RBFOX1: variants seen among roughly 807,000 people sequenced by gnomAD.
RBFOX1 encodes RNA binding fox-1 homolog 1.
Under a neutral mutation model 57.7 loss-of-function variants are expected in RBFOX1, and 8 were observed. The observed-to-expected ratio is 0.14, with a 90% CI of 0.08 to 0.25. The LOEUF (loss-of-function observed/expected upper bound fraction) is 0.25, where lower values mean the gene tolerates loss of function less well. Among genes scored for constraint, RBFOX1 ranks in the 10% least tolerant of loss-of-function variants. RBFOX1 has a pLI of 1.00. For synonymous variants in RBFOX1, 326 were observed against 222.4 expected (o/e 1.47, Z -4.15); for missense variants, 611 against 548.5 (o/e 1.11, Z -1.14).
At chr16:5,548,868 A>T (rs184439895) in intron 2 of RBFOX1, among the ~76,000 whole-genome samples, 114 of 152,258 alleles carry the variant, frequency 7.5e-4, no homozygotes, top group Non-Finnish European at 1.2e-3. Context: ...GGGGCCAAGG[A>T]TGAGGAAGAA....
intron 4 of RBFOX1, among the ~76,000 whole-genome samples, chr16:7,325,951 C>G (rs561624961): frequency 6.6e-6 from 1 of 152,294 alleles, no homozygotes; most frequent in Admixed American, 6.5e-5. Context: ...AGTGTCATTT[C>G]TCAGTTCTGG....
chr16:7,082,647 G>C (rs1462069268), intron 4 of RBFOX1, among the ~76,000 whole-genome samples: 1 of 152,122 alleles, frequency 6.6e-6, no homozygotes, highest in East Asian at 1.9e-4. Context: ...ATTTCGTTCA[G>C]TGTTTAGTAA....
chr16:6,857,703 G>T (rs767738125), intron 3 of RBFOX1, among the ~76,000 whole-genome samples: 6 of 152,184 alleles, frequency 3.9e-5, no homozygotes, highest in Non-Finnish European at 8.8e-5. Context: ...TGTATCAGTT[G>T]TTCATGATTT....
At chr16:5,468,416 TG>T (rs2069021924) in intron 2 of RBFOX1, among the ~76,000 whole-genome samples, 1 of 152,212 alleles carries the variant, frequency 6.6e-6, no homozygotes, top group Non-Finnish European at 1.5e-5. Context: ...TCACCTATTC[TG>T]AGTTTTTCAC....
intron 3 of RBFOX1, among the ~76,000 whole-genome samples, chr16:5,816,511 A>C (rs956400741): frequency 6.6e-6 from 1 of 152,112 alleles, no homozygotes; most frequent in Non-Finnish European, 1.5e-5. Context: ...TCCTTTCTCA[A>C]TTATTATGCC....
intron 2 of RBFOX1, among the ~76,000 whole-genome samples, chr16:6,637,310 T>TTACATGTTA (rs2098449213): frequency 2.0e-5 from 1 of 50,822 alleles, no homozygotes; most frequent in Non-Finnish European, 3.2e-5. Flanking sequence ...CAAATATATA[T>TTACATGTTA]TATATATTAT....
At chr16:6,082,301 C>T (rs930121005) in intron 1 of RBFOX1, among the ~76,000 whole-genome samples, 2 of 147,108 alleles carry the variant, frequency 1.4e-5, no homozygotes, top group Non-Finnish European at 3.0e-5. Context: ...CTGCCTCAGC[C>T]TCCCAAGTAG....
At chr16:7,061,567 G>T (rs1424617650) in intron 4 of RBFOX1, among the ~76,000 whole-genome samples, 1 of 152,038 alleles carries the variant, frequency 6.6e-6, no homozygotes, top group Admixed American at 6.5e-5. Context: ...ATTTGGAGAA[G>T]ACTCAAAAAA....
At chr16:7,239,884 G>A (rs2093968976) in intron 4 of RBFOX1, among the ~76,000 whole-genome samples, 1 of 133,600 alleles carries the variant, frequency 7.5e-6, no homozygotes, top group South Asian at 2.2e-4. Context: ...AGTTCGTTGT[G>A]CTAAAAGGAA....
chr16:6,695,111 C>T (rs2060819079), intron 3 of RBFOX1, among the ~76,000 whole-genome samples: 1 of 151,926 alleles, frequency 6.6e-6, no homozygotes, highest in Non-Finnish European at 1.5e-5. Context: ...GTGAATATTA[C>T]TGTGTGTAAA....
chr16:7,316,260 A>C (rs2096436897), intron 4 of RBFOX1, among the ~76,000 whole-genome samples: 1 of 152,234 alleles, frequency 6.6e-6, no homozygotes, highest in African/African-American at 2.4e-5. Context: ...CTATCTGCTT[A>C]CACATAGCAG....
chr16:6,482,393 G>A (rs1251115949), intron 2 of RBFOX1, among the ~76,000 whole-genome samples: 1 of 152,088 alleles, frequency 6.6e-6, no homozygotes, highest in Non-Finnish European at 1.5e-5. Flanking sequence ...TAATTTTTTG[G>A]TCCCTACCAA....
chr16:6,051,802 G>A lies in RBFOX1; in HGVS notation c.-127+31810G>A, dbSNP rs185979766. Reference sequence around the variant, plus strand: ...TGATCTTGAACCCCTGACCTCAGGTGATCCACCCACCCTGGCCTCCCAAAC... The same window carrying A: ...TGATCTTGAACCCCTGACCTCAGGTAATCCACCCACCCTGGCCTCCCAAAC... On this transcript the variant is annotated intron_variant, in intron 1 of 15. Coordinates refer to ENST00000550418, the MANE Select transcript of RBFOX1 (RefSeq NM_018723.4). 7.4e-4 allele frequency among the ~76,000 whole-genome samples: 112 copies of A among 152,268 alleles called. 2 individuals carry two copies. The East Asian group carries it at 0.015, about 20-fold the overall frequency.
intron 3 of RBFOX1, among the ~76,000 whole-genome samples, chr16:7,000,559 A>G (rs1236614718): frequency 6.7e-6 from 1 of 149,482 alleles, no homozygotes; most frequent in African/African-American, 2.5e-5. Flanking sequence ...AAAAACACAT[A>G]ATAAGTTTTC....
intron 1 of RBFOX1, among the ~76,000 whole-genome samples, chr16:5,356,011 A>C (rs952852732): frequency 6.6e-5 from 10 of 152,196 alleles, no homozygotes; most frequent in Admixed American, 2.6e-4. Context: ...GAATTGCTTT[A>C]ACCCGGGAGG....
At chr16:5,881,337 G>C (rs2057756592) in intron 4 of RBFOX1, among the ~76,000 whole-genome samples, 1 of 152,172 alleles carries the variant, frequency 6.6e-6, no homozygotes, top group Non-Finnish European at 1.5e-5. Flanking sequence ...CCAGTGCCTG[G>C]TTTTAACCTG....
intron 1 of RBFOX1, among the ~76,000 whole-genome samples, chr16:5,393,672 C>G (rs549958495): frequency 6.6e-6 from 1 of 151,944 alleles, no homozygotes; most frequent in African/African-American, 2.4e-5. Context: ...AGGAGGTGTT[C>G]TGTGTTTTTG....
At chr16:6,075,533 C>A (rs947829597) in intron 1 of RBFOX1, among the ~76,000 whole-genome samples, 2 of 152,144 alleles carry the variant, frequency 1.3e-5, no homozygotes, top group South Asian at 2.1e-4. Flanking sequence ...TCTGTTGTTT[C>A]TGAGATGTGA....
chr16:6,874,074 C>G (rs1243664741), intron 3 of RBFOX1: 1 of 152,126 alleles, frequency 6.6e-6, no homozygotes, highest in Non-Finnish European at 1.5e-5. Flanking sequence ...ATGAAAAAGA[C>G]ACTTGCACAT....
Sources: gnomAD v4.1 joint callset for allele counts (sites outside exome capture counted in the v4.1 genomes callset) on GRCh38, gnomAD v4.1.1 for gene constraint, MANE v1.5 for transcripts, NCBI Gene and HGNC (gene_info 2026-07-23, HGNC 2026-07-21) for gene names.